Variants in TECTA observed in about 807,000 individuals in gnomAD.
TECTA encodes the protein tectorin alpha, also known as alpha-tectorin.
TECTA carries 128 observed loss-of-function variants against 216.8 expected under a neutral mutation model. The ratio of observed to expected loss-of-function variants is 0.59; its 90% CI spans 0.51 to 0.68. The LOEUF is 0.68. Ranked by LOEUF, TECTA falls within the 30% of genes least tolerant of loss-of-function variation. The pLI is 0.00. For synonymous variants in TECTA, 1,089 were observed against 1,117.1 expected (o/e 0.97, Z 0.50); for missense variants, 2,551 against 2,786.2 (o/e 0.92, Z 1.90).
chr11:121,176,796 T>A (rs1947171934), intron 20 of TECTA, among the ~76,000 whole-genome samples: 1 of 152,106 alleles, frequency 6.6e-6, no homozygotes, highest in Admixed American at 6.5e-5. Context: ...ATTCTCCCCA[T>A]CACTTTCAGG....
At chr11:121,156,252 G>A (rs1946939875) in intron 13 of TECTA, among the ~76,000 whole-genome samples, 2 of 152,158 alleles carry the variant, frequency 1.3e-5, no homozygotes, top group Non-Finnish European at 2.9e-5. Flanking sequence ...ACAACTCACT[G>A]CAGCCTCTAC....
chr11:121,136,032 C>T (rs1946723033), intron 10 of TECTA, among the ~76,000 whole-genome samples: 1 of 151,882 alleles, frequency 6.6e-6, no homozygotes, highest in South Asian at 2.1e-4. Flanking sequence ...AATCTCTGCT[C>T]ACTGCAACTG....
chr11:121,119,144 C>T (rs1946532962), intron 7 of TECTA, among the ~76,000 whole-genome samples: 1 of 152,094 alleles, frequency 6.6e-6, no homozygotes. Flanking sequence ...TACAAACCCC[C>T]AATTCACTAC....
chr11:121,188,968 C>A, intron 21 of TECTA, 112 bp from the exon 22 acceptor site: 1 of 1,020,938 alleles, frequency 9.8e-7, no homozygotes, highest in Admixed American at 1.8e-5. Context: ...TAATCTGAGC[C>A]TCCATAATGC....
chr11:121,141,855 C>T (rs1238285257), intron 11 of TECTA, among the ~76,000 whole-genome samples: 2 of 152,198 alleles, frequency 1.3e-5, no homozygotes, highest in Admixed American at 1.3e-4. Context: ...AGCTTAGAGT[C>T]TAGCGCAAGA....
chr11:121,114,549 T>C (rs979671651), intron 6 of TECTA, among the ~76,000 whole-genome samples: 2 of 144,566 alleles, frequency 1.4e-5, no homozygotes, highest in African/African-American at 2.7e-5. Context: ...CTCTGTTCAT[T>C]AGTCCATCCA....
intron 20 of TECTA, among the ~76,000 whole-genome samples, chr11:121,185,385 A>G (rs485285): frequency 0.08 from 8,772 of 109,968 alleles, 69 homozygotes; most frequent in Non-Finnish European, 0.099. Context: ...CAGATGTTCA[A>G]TGCTTAATGA....
At chr11:121,186,375 A>T (rs1947288113) in intron 20 of TECTA, among the ~76,000 whole-genome samples, 1 of 152,222 alleles carries the variant, frequency 6.6e-6, no homozygotes, top group African/African-American at 2.4e-5. Flanking sequence ...TTTCATTGTT[A>T]ATAGAAGATT....
intron 14 of TECTA, among the ~76,000 whole-genome samples, chr11:121,159,876 T>C (rs1946980630): frequency 6.6e-6 from 1 of 152,238 alleles, no homozygotes; most frequent in Admixed American, 6.5e-5. Context: ...GATGAGTGAA[T>C]GCCTTTAAAC....
At position 121,168,194 on chromosome 11, in the gene TECTA, T is replaced by C. The variant is rs1376478008; in HGVS notation, c.5727T>C (p.Asp1909=). The C allele has an allele frequency of 2.5e-6, 4 of 1,614,236 alleles. No individual in the cohort carries two copies. The Admixed American group carries it at 5.0e-5, about 20-fold the overall frequency. The change falls in exon 19 of 24, where the codon GAT becomes GAC. Residue 1909 remains aspartate (D), a synonymous_variant. Coordinates refer to ENST00000392793, the MANE Select transcript of TECTA (RefSeq NM_005422.4). Reference sequence around the variant, plus strand: ...AGCTGGATATCAAGATCTCCTTGGATTCTGTTGTGAAGCCTATGCTAAGGT... The same window carrying C: ...AGCTGGATATCAAGATCTCCTTGGACTCTGTTGTGAAGCCTATGCTAAGGT... ...AYELDIKISL[D]SVVKPMLSVI...
chr11:121,130,482 G>A (rs546566549), intron 10 of TECTA, among the ~76,000 whole-genome samples: 1 of 152,152 alleles, frequency 6.6e-6, no homozygotes, highest in Non-Finnish European at 1.5e-5. Context: ...TCTAGCAGAG[G>A]GTAGAGGCAC....
intron 10 of TECTA, among the ~76,000 whole-genome samples, chr11:121,135,599 A>G (rs1480467786): frequency 1.3e-5 from 2 of 152,196 alleles, no homozygotes; most frequent in African/African-American, 4.8e-5. Flanking sequence ...GCAGAGGAAA[A>G]AATGATTGGC....
chr11:121,158,011 C>G lies in TECTA; in HGVS notation c.4476C>G (p.Gly1492=). 6.2e-7 allele frequency: 1 copy of G among 1,612,660 alleles called. No individual in the cohort carries two copies. The highest frequency in any genetic ancestry group is 1.1e-5 in the South Asian group (1 of 91,054). Reference sequence around the variant, plus strand: ...CCTCCTACTGCCTGGCGGCCGGCGGCGGCGTCTTCCGCACCTTCGACGGCG... The same window carrying G: ...CCTCCTACTGCCTGGCGGCCGGCGGGGGCGTCTTCCGCACCTTCGACGGCG... The part of the protein sequence containing the change: ...TKTSYCLAAG[G]GVFRTFDGAF... The change falls in exon 14 of 24, where the codon GGC becomes GGG. Residue 1492 remains glycine (G), a synonymous_variant. Coordinates refer to ENST00000392793, the MANE Select transcript of TECTA (RefSeq NM_005422.4).
chr11:121,137,262 A>G (rs775306727), intron 10 of TECTA, among the ~76,000 whole-genome samples, 159 bp from the exon 11 acceptor site: 6 of 152,116 alleles, frequency 3.9e-5, no homozygotes, highest in Non-Finnish European at 8.8e-5. Context: ...GTGCACACAC[A>G]CATGCATGCA....
intron 20 of TECTA, among the ~76,000 whole-genome samples, chr11:121,178,388 C>T (rs1476673498): frequency 6.6e-6 from 1 of 152,178 alleles, no homozygotes; most frequent in Non-Finnish European, 1.5e-5. Flanking sequence ...TATATTGAAA[C>T]ATTCTTGCAT....
At chr11:121,165,196 C>G in intron 16 of TECTA, 77 bp from the exon 17 acceptor site, 11 of 1,379,182 alleles carry the variant, frequency 8.0e-6, no homozygotes, top group Non-Finnish European at 1.1e-5. Context: ...AGTGGCAAGT[C>G]TGGAGTGGAA....
At chr11:121,167,045 T>C (rs978017917) in intron 18 of TECTA, among the ~76,000 whole-genome samples, 1 of 152,206 alleles carries the variant, frequency 6.6e-6, no homozygotes, top group Non-Finnish European at 1.5e-5. Context: ...TGGACAGGAT[T>C]GTGTCTTCTT....
chr11:121,159,976 T>G (rs906118241), intron 14 of TECTA, among the ~76,000 whole-genome samples, 159 bp from the exon 15 acceptor site: 1 of 152,240 alleles, frequency 6.6e-6, no homozygotes, highest in African/African-American at 2.4e-5. Flanking sequence ...AGTTGTATAT[T>G]GTCTATGCCT....
At chr11:121,162,534 T>A (rs1261367188) in intron 16 of TECTA, among the ~76,000 whole-genome samples, 164 bp downstream of exon 16, 1 of 152,228 alleles carries the variant, frequency 6.6e-6, no homozygotes, top group Non-Finnish European at 1.5e-5. Context: ...CGAGATTCAG[T>A]GACGGGCCCC....
Sources: allele counts gnomAD v4.1 joint callset (sites outside exome capture counted in the v4.1 genomes callset), GRCh38; gene constraint gnomAD v4.1.1; transcripts MANE v1.5; gene names NCBI Gene and HGNC (gene_info 2026-07-23, HGNC 2026-07-21).